Variants in CAMK1D observed in about 807,000 individuals in gnomAD.
CAMK1D encodes the protein calcium/calmodulin dependent protein kinase ID.
In CAMK1D, 9 loss-of-function variants were observed where a neutral mutation model predicts 47.7. That is an observed-to-expected ratio of 0.19 (90% CI 0.11 to 0.33). The LOEUF (loss-of-function observed/expected upper bound fraction) is 0.33, where lower values mean the gene tolerates loss of function less well. Among genes scored for constraint, CAMK1D ranks in the 10% least tolerant of loss-of-function variants. CAMK1D has a pLI of 1.00. For synonymous variants in CAMK1D, 184 were observed against 184.9 expected (o/e 0.99, Z 0.04); for missense variants, 291 against 488.7 (o/e 0.60, Z 3.81).
rs188207551 is a variant in CAMK1D at position 12,495,316 on chromosome 10, G to A, written c.93-57909G>A. Among the ~76,000 whole-genome samples the A allele has an allele frequency of 7.6e-4, 116 of 152,318 alleles. 1 individual carries two copies. The highest frequency in any genetic ancestry group is 3.6e-3 in the Admixed American group (55 of 15,296). On this transcript the variant is annotated intron_variant, in intron 1 of 10. Coordinates refer to ENST00000619168, the MANE Select transcript of CAMK1D (RefSeq NM_153498.4). ...AACATCCATTTCTTCTAATGAGTGT[G>A]TGTGCAAATGACCTTGTCATAATGC...
intron 2 of CAMK1D, among the ~76,000 whole-genome samples, chr10:12,595,772 G>A (rs550458483): frequency 6.6e-6 from 1 of 152,214 alleles, no homozygotes; most frequent in African/African-American, 2.4e-5. Flanking sequence ...ACCATGACAG[G>A]TCAATAAAGA....
intron 1 of CAMK1D, among the ~76,000 whole-genome samples, chr10:12,429,971 A>G (rs944472323): frequency 1.3e-5 from 2 of 150,280 alleles, no homozygotes; most frequent in African/African-American, 4.9e-5. Context: ...GCCCCTCCCC[A>G]CCCCGGGGAG....
rs941201729 is a variant in CAMK1D, at chr10:12,467,175, T to C, written c.93-86050T>C. Among the ~76,000 whole-genome samples, 85 of 152,166 alleles carry C rather than the reference T, an allele frequency of 5.6e-4. 1 individual carries two copies. The highest frequency in any genetic ancestry group is 1.9e-3 in the African/African-American group (80 of 41,520). On this transcript the variant is annotated intron_variant, in intron 1 of 10. Coordinates refer to ENST00000619168, the MANE Select transcript of CAMK1D (RefSeq NM_153498.4). ...TCTCATGTTTTCTTTTTTATTGACATGGAGTCTCACTCTGTCACGCTGGCT... is the reference window on the plus strand; with the variant it reads ...TCTCATGTTTTCTTTTTTATTGACACGGAGTCTCACTCTGTCACGCTGGCT...
intron 1 of CAMK1D, among the ~76,000 whole-genome samples, chr10:12,444,342 T>C (rs896714880): frequency 2.0e-5 from 3 of 152,114 alleles, no homozygotes; most frequent in African/African-American, 7.2e-5. Flanking sequence ...AGAACCATGA[T>C]GGAAACCTGC....
chr10:12,688,041 G>A (rs569808487), intron 3 of CAMK1D, among the ~76,000 whole-genome samples: 2 of 152,298 alleles, frequency 1.3e-5, no homozygotes, highest in East Asian at 3.8e-4. Flanking sequence ...TACTAAAAAT[G>A]GGCATGACAC....
intron 1 of CAMK1D, among the ~76,000 whole-genome samples, chr10:12,380,860 A>C (rs566972131): frequency 3.3e-5 from 5 of 152,342 alleles, no homozygotes; most frequent in East Asian, 1.9e-4. Context: ...TGTCTCAAAA[A>C]CAAACAAACA....
chr10:12,734,457 T>C (rs200705150), intron 3 of CAMK1D, among the ~76,000 whole-genome samples: 7 of 5,082 alleles, frequency 1.4e-3, no homozygotes, highest in African/African-American at 1.6e-3. Flanking sequence ...TGTGTATATA[T>C]ACACATACAC....
chr10:12,510,674 A>G (rs1401048575), intron 1 of CAMK1D, among the ~76,000 whole-genome samples: 1 of 152,180 alleles, frequency 6.6e-6, no homozygotes, highest in Non-Finnish European at 1.5e-5. Context: ...GTGCTTCCCA[A>G]GAGTCACCAA....
chr10:12,395,675 G>C (rs1010978774), intron 1 of CAMK1D, among the ~76,000 whole-genome samples: 8 of 152,108 alleles, frequency 5.3e-5, no homozygotes, highest in Admixed American at 2.0e-4. Context: ...AGCATTCTGG[G>C]AGGCCGAGGT....
intron 1 of CAMK1D, among the ~76,000 whole-genome samples, chr10:12,500,614 C>G (rs978203625): frequency 2.6e-5 from 4 of 152,166 alleles, no homozygotes; most frequent in African/African-American, 9.7e-5. Context: ...GAAGCCTGAC[C>G]CCACCCTTTG....
intron 1 of CAMK1D, among the ~76,000 whole-genome samples, chr10:12,542,386 G>C (rs1462682157): frequency 6.6e-6 from 1 of 152,160 alleles, no homozygotes; most frequent in Non-Finnish European, 1.5e-5. Flanking sequence ...TTTGTATGTA[G>C]AATGACTAAA....
intron 6 of CAMK1D, among the ~76,000 whole-genome samples, chr10:12,797,829 A>G (rs922615160): frequency 6.6e-6 from 1 of 152,124 alleles, no homozygotes; most frequent in Non-Finnish European, 1.5e-5. Context: ...AGCTTTGTTA[A>G]GCTGAGGCAA....
At chr10:12,696,590 C>A (rs1240878176) in intron 3 of CAMK1D, among the ~76,000 whole-genome samples, 1 of 152,162 alleles carries the variant, frequency 6.6e-6, no homozygotes, top group East Asian at 1.9e-4. Flanking sequence ...AATGCTTTCA[C>A]AAATAGCCGT....
intron 1 of CAMK1D, among the ~76,000 whole-genome samples, chr10:12,377,469 A>G (rs1036403661): frequency 5.9e-5 from 9 of 152,194 alleles, no homozygotes; most frequent in African/African-American, 2.2e-4. Flanking sequence ...CTTTGACTTG[A>G]AGCTCAATGT....
chr10:12,382,885 A>G (rs1226305211), intron 1 of CAMK1D, among the ~76,000 whole-genome samples: 1 of 152,072 alleles, frequency 6.6e-6, no homozygotes, highest in Non-Finnish European at 1.5e-5. Context: ...GTTCCTTCCT[A>G]GCACTTTGAT....
intron 3 of CAMK1D, among the ~76,000 whole-genome samples, chr10:12,756,361 A>G (rs1029273605): frequency 6.6e-6 from 1 of 152,250 alleles, no homozygotes; most frequent in African/African-American, 2.4e-5. Context: ...AAGGACTAAC[A>G]AGGGATACAT....
At chr10:12,816,222 C>G (rs760280279) in intron 7 of CAMK1D, 28 bp from the exon 8 acceptor site, 1 of 1,601,400 alleles carries the variant, frequency 6.2e-7, no homozygotes, top group South Asian at 1.1e-5. Flanking sequence ...CAAAGTGATT[C>G]CTTCCCTTGT....
intron 3 of CAMK1D, among the ~76,000 whole-genome samples, chr10:12,732,427 G>A (rs2130815029): frequency 6.6e-6 from 1 of 152,248 alleles, no homozygotes; most frequent in Non-Finnish European, 1.5e-5. Context: ...TCACGCTGCT[G>A]ATAAAGACAT....
intron 3 of CAMK1D, among the ~76,000 whole-genome samples, chr10:12,729,258 T>C (rs79361571): frequency 0.02 from 2,996 of 152,274 alleles, 55 homozygotes; most frequent in South Asian, 0.059. Flanking sequence ...TCCACCTCCA[T>C]GGAGCAGGGA....
Sources: allele counts gnomAD v4.1 joint callset (sites outside exome capture counted in the v4.1 genomes callset), GRCh38; gene constraint gnomAD v4.1.1; transcripts MANE v1.5; gene names NCBI Gene and HGNC (gene_info 2026-07-23, HGNC 2026-07-21).